Variants in COL4A2 observed in about 807,000 individuals in gnomAD.
The protein encoded by COL4A2 is collagen alpha-2(IV) chain.
A neutral mutation model predicts 200.2 loss-of-function variants in COL4A2; 99 were observed. The observed-to-expected ratio is 0.49, with a 90% confidence interval of 0.42 to 0.58. The LOEUF (loss-of-function observed/expected upper bound fraction) is 0.58. COL4A2 is among the 20% of genes least tolerant of loss of function. COL4A2 has a pLI of 0.00. For synonymous variants in COL4A2, 897 were observed against 900.6 expected (o/e 1.00, Z 0.07); for missense variants, 1,950 against 2,314.1 (o/e 0.84, Z 3.23).
At chr13:110,454,917 C>T (rs917661360) in intron 20 of COL4A2, among the ~76,000 whole-genome samples, 19 of 152,136 alleles carry the variant, frequency 1.2e-4, no homozygotes, top group Non-Finnish European at 1.5e-4. Flanking sequence ...CCGTCCCCAC[C>T]CCCTGCCACC....
intron 3 of COL4A2, chr13:110,328,404 A>G (rs1357490972): frequency 6.6e-6 from 1 of 152,214 alleles, no homozygotes; most frequent in African/African-American, 2.4e-5. Flanking sequence ...ATGGGAGAAG[A>G]GACAACCCCT....
intron 3 of COL4A2, among the ~76,000 whole-genome samples, chr13:110,308,529 G>T (rs1401489582): frequency 6.6e-6 from 1 of 152,188 alleles, no homozygotes; most frequent in East Asian, 1.9e-4. Flanking sequence ...TCTCTGTCAC[G>T]GACTGAGGGT....
intron 20 of COL4A2, among the ~76,000 whole-genome samples, chr13:110,456,187 G>T (rs1033421885): frequency 1.5e-4 from 23 of 152,370 alleles, no homozygotes; most frequent in African/African-American, 5.3e-4. Flanking sequence ...GGAGCTAGTG[G>T]GGAGAGGTTT....
chr13:110,448,771 A>G (rs1338205934), intron 18 of COL4A2, among the ~76,000 whole-genome samples: 1 of 152,222 alleles, frequency 6.6e-6, no homozygotes, highest in East Asian at 1.9e-4. Context: ...CGATGCTCCA[A>G]GTTGTCCTAG....
chr13:110,452,656 G>C (rs9588167), intron 20 of COL4A2, among the ~76,000 whole-genome samples: 107,425 of 152,124 alleles, frequency 0.71, 38,138 homozygotes, highest in Middle Eastern at 0.76. Flanking sequence ...TCTTCAATTA[G>C]AAAACCCACA....
chr13:110,336,033 T>C (rs1273545464), intron 3 of COL4A2, among the ~76,000 whole-genome samples: 1 of 152,214 alleles, frequency 6.6e-6, no homozygotes, highest in Non-Finnish European at 1.5e-5. Flanking sequence ...TAACCCACCT[T>C]TCCCCCCAGA....
At chr13:110,344,692 A>T (rs1239946845) in intron 3 of COL4A2, among the ~76,000 whole-genome samples, 1 of 151,726 alleles carries the variant, frequency 6.6e-6, no homozygotes, top group Non-Finnish European at 1.5e-5. Context: ...CAGGCCACAT[A>T]CTCTCCTTAG....
intron 4 of COL4A2, among the ~76,000 whole-genome samples, chr13:110,358,891 T>C (rs1230723127): frequency 6.6e-6 from 1 of 152,244 alleles, no homozygotes; most frequent in Admixed American, 6.5e-5. Flanking sequence ...TTAATTTTCA[T>C]AAGCATCTTT....
intron 47 of COL4A2, among the ~76,000 whole-genome samples, chr13:110,509,516 C>A (rs761392819): frequency 7.2e-4 from 109 of 152,144 alleles, no homozygotes; most frequent in Non-Finnish European, 1.3e-3. Context: ...TTTGGAGCAA[C>A]CTTCTTTTGT....
chr13:110,468,024 G>A (rs977987935), intron 27 of COL4A2: 2 of 403,312 alleles, frequency 5.0e-6, no homozygotes, highest in Non-Finnish European at 1.0e-5. Flanking sequence ...AGTGCAGACA[G>A]GTGTTCTAGA....
In COL4A2 at chr13:110,445,844, GA is replaced by G. The variant is rs1881300616; in HGVS notation, c.974del (p.Asp325ValfsTer33). On this transcript the variant is annotated frameshift_variant, in exon 17 of 48. Coordinates refer to ENST00000360467, the MANE Select transcript of COL4A2 (RefSeq NM_001846.4). LOFTEE classifies it high-confidence loss of function. ...SPGQKGSRGL[D>X]GYQGPDGPRG... ...TTTCTTGCAGGGAAGCCGAGGCCTGGATGGCTATCAAGGGCCTGATGGACCC... is the reference window on the plus strand; with the variant it reads ...TTTCTTGCAGGGAAGCCGAGGCCTGGTGGCTATCAAGGGCCTGATGGACCC... 6.2e-7 allele frequency: 1 copy of G among 1,614,180 alleles called. No homozygotes were observed. Among genetic ancestry groups the G allele is most frequent in the Non-Finnish European group, 8.5e-7 (1 of 1,180,024 alleles).
intron 10 of COL4A2, chr13:110,430,961 T>C (rs547962094): frequency 1.1e-5 from 5 of 472,744 alleles, no homozygotes; most frequent in Admixed American, 2.3e-5. Flanking sequence ...AAGGAGGAAA[T>C]GGAGGTCTGC....
chr13:110,509,014 C>G (rs1883980988), intron 47 of COL4A2, among the ~76,000 whole-genome samples: 2 of 151,850 alleles, frequency 1.3e-5, no homozygotes, highest in Non-Finnish European at 2.9e-5. Context: ...GGATGTAACC[C>G]CACCAAAAAT....
chr13:110,444,015 C>G (rs536529674), intron 16 of COL4A2, among the ~76,000 whole-genome samples: 19 of 152,276 alleles, frequency 1.2e-4, no homozygotes, highest in Admixed American at 2.0e-4. Flanking sequence ...CAGCCTCCCC[C>G]GAGTCAGTTG....
At chr13:110,375,000 C>G (rs1878176697) in intron 4 of COL4A2, among the ~76,000 whole-genome samples, 1 of 151,960 alleles carries the variant, frequency 6.6e-6, no homozygotes. Context: ...TGGTTTTAAG[C>G]CCTTTCTTTA....
chr13:110,462,670 G>C (rs1566547873), intron 24 of COL4A2, among the ~76,000 whole-genome samples: 1 of 152,170 alleles, frequency 6.6e-6, no homozygotes, highest in Admixed American at 6.5e-5. Context: ...AAAAAAAGTA[G>C]ACTATTCTAA....
At chr13:110,328,026 A>T (rs1003698624) in intron 3 of COL4A2, among the ~76,000 whole-genome samples, 6 of 152,224 alleles carry the variant, frequency 3.9e-5, no homozygotes, top group Admixed American at 3.3e-4. Context: ...ATCATACACC[A>T]CAAACCTCAT....
At chr13:110,509,063 G>A (rs907217772) in intron 47 of COL4A2, among the ~76,000 whole-genome samples, 19 of 151,788 alleles carry the variant, frequency 1.3e-4, no homozygotes, top group East Asian at 1.9e-4. Context: ...TTGCACCATC[G>A]AAAACTCAAA....
chr13:110,380,893 A>T (rs74127428), intron 4 of COL4A2, among the ~76,000 whole-genome samples: 1 of 144,458 alleles, frequency 6.9e-6, no homozygotes, highest in African/African-American at 2.6e-5. Context: ...CACGAGCTCT[A>T]TGTCACACCC....
Sources: allele counts gnomAD v4.1 joint callset (sites outside exome capture counted in the v4.1 genomes callset), GRCh38; gene constraint gnomAD v4.1.1; transcripts MANE v1.5; gene names NCBI Gene and HGNC (gene_info 2026-07-23, HGNC 2026-07-21).